Variants in MTRF1 observed in about 807,000 individuals in gnomAD.
MTRF1 encodes peptide chain release factor 1, mitochondrial.
In MTRF1, 51 loss-of-function variants were observed where a neutral mutation model predicts 62.9. That is an observed-to-expected ratio of 0.81 (90% CI 0.65 to 1.02). The LOEUF (loss-of-function observed/expected upper bound fraction) is 1.02. MTRF1 is among the 50% of genes least tolerant of loss of function. The pLI is 0.00. For missense variants in MTRF1, 446 were observed against 530.0 expected (o/e 0.84, Z 1.56); for synonymous variants, 158 against 181.9 (o/e 0.87, Z 1.06).
At chr13:41,287,217 G>A in the MTRF1 span, among the ~76,000 whole-genome samples, 10 of 152,344 alleles carry the variant, frequency 6.6e-5, no homozygotes, top group African/African-American at 2.4e-4. Context: ...CATGGCTCCA[G>A]CAACTGTGTG....
At chr13:41,280,262 T>C in the MTRF1 span, among the ~76,000 whole-genome samples, 3 of 152,174 alleles carry the variant, frequency 2.0e-5, no homozygotes, top group Non-Finnish European at 4.4e-5. Context: ...ACCTAAACTT[T>C]CCTTTCCATT....
the MTRF1 span, among the ~76,000 whole-genome samples, chr13:41,278,811 C>G: frequency 6.6e-6 from 1 of 152,118 alleles, no homozygotes; most frequent in African/African-American, 2.4e-5. Context: ...AAATAAAATT[C>G]TAAGGCCTTC....
At chr13:41,281,786 G>C in the MTRF1 span, among the ~76,000 whole-genome samples, 31 of 152,100 alleles carry the variant, frequency 2.0e-4, no homozygotes, top group African/African-American at 7.2e-4. Flanking sequence ...TGAATTTGTA[G>C]ATTATTTACT....
chr13:41,261,430 C>T (rs2040444812), intron 1 of MTRF1: 1 of 153,138 alleles, frequency 6.5e-6, no homozygotes, highest in African/African-American at 2.4e-5. Flanking sequence ...CTGCTTCCTA[C>T]CTGTTCAACA....
chr13:41,228,814 G>A (rs907207087), intron 7 of MTRF1, among the ~76,000 whole-genome samples: 4 of 152,148 alleles, frequency 2.6e-5, no homozygotes, highest in Admixed American at 2.0e-4. Flanking sequence ...AAAAAAATAC[G>A]ATTCTTCCAT....
chr13:41,311,245 G>T, the MTRF1 span: 2 of 524,022 alleles, frequency 3.8e-6, no homozygotes, highest in Non-Finnish European at 6.7e-6. Context: ...CGGCTCGGGA[G>T]GCGGACCCTG....
chr13:41,248,649 C>T (rs1245513547), intron 5 of MTRF1, among the ~76,000 whole-genome samples: 6 of 152,214 alleles, frequency 3.9e-5, no homozygotes, highest in Non-Finnish European at 8.8e-5. Context: ...AAATATGTTT[C>T]TCGCAGTTGT....
the MTRF1 span, among the ~76,000 whole-genome samples, chr13:41,273,304 C>A: frequency 2.8e-4 from 41 of 147,606 alleles, no homozygotes; most frequent in Non-Finnish European, 4.6e-4. Flanking sequence ...CCAGCCTGGG[C>A]TACAGAGCGA....
chr13:41,296,833 A>C, the MTRF1 span, among the ~76,000 whole-genome samples: 1 of 152,256 alleles, frequency 6.6e-6, no homozygotes, highest in East Asian at 1.9e-4. Flanking sequence ...CATCTACTAG[A>C]TATTTTAAAT....
chr13:41,311,503 G>C, the MTRF1 span: 1 of 1,582,764 alleles, frequency 6.3e-7, no homozygotes, highest in Non-Finnish European at 8.6e-7. Flanking sequence ...CTCCCTGCCG[G>C]CCACCTAGCC....
At chr13:41,269,606 T>C in the MTRF1 span, among the ~76,000 whole-genome samples, 67 of 152,266 alleles carry the variant, frequency 4.4e-4, no homozygotes, top group Non-Finnish European at 7.4e-4. Context: ...TCCTACAATA[T>C]ATTTTTGTTA....
Position 41,254,553 on chromosome 13 carries a change from T to C in MTRF1, c.483A>G (p.Gln161=). The C allele has an allele frequency of 6.2e-7, 1 of 1,613,704 alleles. No individual in the cohort carries two copies. Among genetic ancestry groups the C allele is most frequent in the Non-Finnish European group, 8.5e-7 (1 of 1,179,768 alleles). Residue 161 remains glutamine, a synonymous_variant, in exon 3 of 10, where the codon CAA becomes CAG. Transcript: ENST00000379480. The stretch of plus-strand genomic sequence containing the variant: ...CCTCATTGTACAACATGTTGATTTT[T>C]TGATCAATGGTTTGCCTTTCTTCCA... ...LALEERQTID[Q]KINMLYNELF...
intron 5 of MTRF1, among the ~76,000 whole-genome samples, chr13:41,250,745 C>A (rs909625435): frequency 1.3e-5 from 2 of 152,116 alleles, no homozygotes; most frequent in East Asian, 3.8e-4. Context: ...GGATTATAGG[C>A]GTGAGCCACT....
the MTRF1 span, among the ~76,000 whole-genome samples, chr13:41,297,785 C>T: frequency 1.6e-4 from 24 of 151,974 alleles, no homozygotes; most frequent in Admixed American, 3.3e-4. Flanking sequence ...CCATGTTGGC[C>T]AGGCTGTCTT....
chr13:41,276,852 G>A, the MTRF1 span, among the ~76,000 whole-genome samples: 1 of 152,030 alleles, frequency 6.6e-6, no homozygotes. Context: ...AGAACCTATT[G>A]TCCTTTTGAG....
At chr13:41,262,459 C>A (rs1321816371) in intron 1 of MTRF1, 1 of 151,746 alleles carries the variant, frequency 6.6e-6, no homozygotes, top group Non-Finnish European at 1.5e-5. Flanking sequence ...AAGTTTCTTG[C>A]ACATGTAGCA....
At chr13:41,265,563 G>T (rs1211361079), upstream of MTRF1, among the ~76,000 whole-genome samples, 1 of 152,110 alleles carries the variant, frequency 6.6e-6, no homozygotes, top group Non-Finnish European at 1.5e-5. Context: ...TGGAGATAGG[G>T]CCTTTAAGGT....
intron 3 of MTRF1, among the ~76,000 whole-genome samples, chr13:41,253,515 C>T (rs1386251989): frequency 1.3e-5 from 2 of 151,982 alleles, no homozygotes; most frequent in East Asian, 3.9e-4. Flanking sequence ...GTTGAGGGCT[C>T]CCAAGATAAG....
the MTRF1 span, among the ~76,000 whole-genome samples, chr13:41,293,876 G>A: frequency 3.3e-5 from 5 of 152,068 alleles, no homozygotes; most frequent in Middle Eastern, 3.4e-3. Flanking sequence ...GTGTTATAGG[G>A]AAACATGTTT....
Sources: gnomAD v4.1 joint callset for allele counts (sites outside exome capture counted in the v4.1 genomes callset) on GRCh38, gnomAD v4.1.1 for gene constraint, MANE v1.5 for transcripts, NCBI Gene and HGNC (gene_info 2026-07-23, HGNC 2026-07-21) for gene names.